The following ATP10B variants were observed in gnomAD, a reference collection of about 807,000 sequenced individuals.
ATP10B encodes the protein phospholipid-transporting ATPase VB.
ATP10B carries 122 observed loss-of-function variants against 141.2 expected under a neutral mutation model. That is an observed-to-expected ratio of 0.86 (90% CI 0.75 to 1.00). The LOEUF is 1.00. Among genes scored for constraint, ATP10B ranks in the 50% least tolerant of loss-of-function variants. The pLI, the probability that ATP10B is intolerant of heterozygous loss-of-function variation, is 0.00. For missense variants in ATP10B, 1,876 were observed against 1,825.3 expected, an observed-to-expected ratio of 1.03 and a Z score of -0.51; for synonymous variants, 685 against 692.0, an observed-to-expected ratio of 0.99 and a Z score of 0.16.
the ATP10B span, among the ~76,000 whole-genome samples, chr5:160,866,347 C>T: frequency 3.3e-5 from 5 of 151,988 alleles, no homozygotes; most frequent in South Asian, 2.1e-4. Flanking sequence ...CTTATAAAAG[C>T]GGGAGCTAAG....
At chr5:160,687,306 T>C (rs1299009070) in intron 5 of ATP10B, among the ~76,000 whole-genome samples, 1 of 152,136 alleles carries the variant, frequency 6.6e-6, no homozygotes, top group East Asian at 1.9e-4. Context: ...TATCTCTAGC[T>C]CCCAGCTTAT....
intron 2 of ATP10B, among the ~76,000 whole-genome samples, chr5:160,735,632 A>G (rs2127800095): frequency 6.6e-6 from 1 of 152,294 alleles, no homozygotes; most frequent in South Asian, 2.1e-4. Context: ...AATTTGCATT[A>G]TAGACCAAAT....
intron 24 of ATP10B, among the ~76,000 whole-genome samples, chr5:160,575,342 T>C (rs1755125336): frequency 6.6e-6 from 1 of 152,200 alleles, no homozygotes; most frequent in South Asian, 2.1e-4. Context: ...TTAGTCTCCT[T>C]TAATCTGGGC....
intron 24 of ATP10B, among the ~76,000 whole-genome samples, chr5:160,586,433 A>C (rs1755903212): frequency 6.6e-6 from 1 of 152,188 alleles, no homozygotes; most frequent in African/African-American, 2.4e-5. Flanking sequence ...TGCTGCAATA[A>C]ATGTTTGTAT....
intron 2 of ATP10B, among the ~76,000 whole-genome samples, chr5:160,767,645 C>CCCCCG (rs1021666988): frequency 2.2e-5 from 3 of 134,030 alleles, no homozygotes; most frequent in Non-Finnish European, 4.9e-5. Context: ...ACCCCCCCCC[C>CCCCCG]CAAAATAACA....
chr5:160,694,439 T>C (rs1764249442), intron 3 of ATP10B, among the ~76,000 whole-genome samples: 2 of 152,214 alleles, frequency 1.3e-5, no homozygotes, highest in South Asian at 4.1e-4. Flanking sequence ...CTTGAAGTGA[T>C]AATCCTCTCA....
At chr5:160,596,794 T>C (rs1431191790) in intron 22 of ATP10B, among the ~76,000 whole-genome samples, 42 of 152,172 alleles carry the variant, frequency 2.8e-4, no homozygotes, top group Non-Finnish European at 2.9e-5. Context: ...CCACTCACAA[T>C]TGCTTCAAAG....
At chr5:160,843,376 GTAAC>G (rs1384339919) in intron 1 of ATP10B, among the ~76,000 whole-genome samples, 7 of 152,120 alleles carry the variant, frequency 4.6e-5, no homozygotes, top group Middle Eastern at 3.4e-3. Flanking sequence ...TACTTACTGA[GTAAC>G]TAATTGCCAG....
intron 3 of ATP10B, chr5:160,692,753 C>G (rs936698593): frequency 6.6e-6 from 1 of 152,182 alleles, no homozygotes; most frequent in Non-Finnish European, 1.5e-5. Context: ...ACTCTTTGAC[C>G]AATCAACAAT....
intron 13 of ATP10B, among the ~76,000 whole-genome samples, chr5:160,629,048 A>G (rs886494611): frequency 7.9e-5 from 12 of 152,226 alleles, no homozygotes; most frequent in African/African-American, 2.7e-4. Context: ...AGAAGGTGGT[A>G]GAATGCTCCC....
chr5:160,577,881 T>A (rs947937809), intron 24 of ATP10B, among the ~76,000 whole-genome samples: 3 of 152,154 alleles, frequency 2.0e-5, no homozygotes, highest in Non-Finnish European at 2.9e-5. Context: ...AAAAATGTTA[T>A]CTGTTTTGAG....
At chr5:160,876,661 G>C in the ATP10B span, among the ~76,000 whole-genome samples, 9 of 152,054 alleles carry the variant, frequency 5.9e-5, 1 homozygote, top group South Asian at 2.1e-4. Flanking sequence ...AGAAAAAAGA[G>C]AGTAGAATCA....
chr5:160,873,316 T>A, the ATP10B span, among the ~76,000 whole-genome samples: 1 of 152,190 alleles, frequency 6.6e-6, no homozygotes, highest in Non-Finnish European at 1.5e-5. Context: ...ACTCAAAATT[T>A]CTCATTAACA....
chr5:160,917,858 T>A, the ATP10B span, among the ~76,000 whole-genome samples: 1 of 152,116 alleles, frequency 6.6e-6, no homozygotes, highest in Non-Finnish European at 1.5e-5. Context: ...GCTGGCTGAG[T>A]GTTCCAAGGA....
chr5:160,770,639 C>T (rs1448315348), intron 2 of ATP10B, among the ~76,000 whole-genome samples: 1 of 152,114 alleles, frequency 6.6e-6, no homozygotes, highest in African/African-American at 2.4e-5. Flanking sequence ...TGGTAGTACA[C>T]ATGGTAATTT....
rs995346842 is a variant in ATP10B, at chr5:160,686,919, A to T, written c.276-646T>A. The T allele has an allele frequency of 1.0e-5, 10 of 983,198 alleles. No individual in the cohort carries two copies. In the African/African-American group the frequency reaches 1.6e-4, roughly 15 times the overall value. The allele number at this position is 983,198 out of a possible 1,614,324, so 60.9% of individuals were successfully genotyped here. On this transcript the variant is annotated intron_variant, in intron 5 of 25. Coordinates refer to ENST00000327245, the MANE Select transcript of ATP10B (RefSeq NM_025153.3). The stretch of plus-strand genomic sequence containing the variant: ...AAGCACATATTTTAACTTTTAATTT[A>T]AAATGATCTCATACATTATCTCAAA...
At chr5:160,831,729 C>G (rs1246509895) in intron 1 of ATP10B, among the ~76,000 whole-genome samples, 1 of 151,910 alleles carries the variant, frequency 6.6e-6, no homozygotes, top group Non-Finnish European at 1.5e-5. Flanking sequence ...TACCTCCTTA[C>G]CAGGGAAGAG....
At chr5:160,604,164 A>C in intron 19 of ATP10B, 123 bp from the exon 20 acceptor site, 2 of 728,316 alleles carry the variant, frequency 2.7e-6, no homozygotes, top group Non-Finnish European at 4.9e-6. Flanking sequence ...AGTGCTATAG[A>C]AAGTCATTGC....
intron 1 of ATP10B, among the ~76,000 whole-genome samples, chr5:160,796,678 C>T (rs1771969260): frequency 6.6e-6 from 1 of 152,160 alleles, no homozygotes; most frequent in Non-Finnish European, 1.5e-5. Context: ...AGAAAAGTTT[C>T]CTTTTAATAT....
Sources: allele counts gnomAD v4.1 joint callset (sites outside exome capture counted in the v4.1 genomes callset), GRCh38; gene constraint gnomAD v4.1.1; transcripts MANE v1.5; gene names NCBI Gene and HGNC (gene_info 2026-07-23, HGNC 2026-07-21).